Variants in ICA1L observed in about 807,000 individuals in gnomAD.
ICA1L encodes islet cell autoantigen 1-like protein.
In ICA1L, 50 loss-of-function variants were observed where a neutral mutation model predicts 61.3. The observed-to-expected ratio is 0.82, with a 90% confidence interval of 0.65 to 1.03. The LOEUF is 1.03. Ranked by LOEUF, ICA1L falls within the 50% of genes least tolerant of loss-of-function variation. The pLI is 0.00. For missense variants in ICA1L, 508 were observed against 556.7 expected, an observed-to-expected ratio of 0.91 and a Z score of 0.88; for synonymous variants, 161 against 191.3, an observed-to-expected ratio of 0.84 and a Z score of 1.31.
At chr2:202,839,498 C>CA (rs59202140) in intron 1 of ICA1L, among the ~76,000 whole-genome samples, 320 of 25,370 alleles carry the variant, frequency 0.013, 10 homozygotes, top group South Asian at 0.02. Context: ...GACTCCGTCT[C>CA]AAAAAAAAAA....
chr2:202,869,864 T>C (rs961674536), intron 1 of ICA1L, among the ~76,000 whole-genome samples: 2 of 152,096 alleles, frequency 1.3e-5, no homozygotes, highest in African/African-American at 4.8e-5. Flanking sequence ...AAGTACAAGT[T>C]TGAAAATTTT....
chr2:202,853,416 C>T (rs1349587013), intron 1 of ICA1L, among the ~76,000 whole-genome samples: 1 of 150,630 alleles, frequency 6.6e-6, no homozygotes, highest in Admixed American at 6.6e-5. Context: ...TAGAAGAAAA[C>T]CTAGGCCATA....
chr2:202,815,781 C>G (rs981146322), intron 7 of ICA1L, 130 bp downstream of exon 7: 3 of 515,882 alleles, frequency 5.8e-6, no homozygotes, highest in Non-Finnish European at 9.7e-6. Flanking sequence ...TGACCCTTGG[C>G]TGAAGGAAAA....
At chr2:202,792,498 A>G (rs1285080253) in intron 10 of ICA1L, among the ~76,000 whole-genome samples, 1 of 152,210 alleles carries the variant, frequency 6.6e-6, no homozygotes. Flanking sequence ...ATGGAATACT[A>G]TTGCTTAATA....
rs1328106838 is a variant in ICA1L, at chr2:202,817,502, C to G, written c.600G>C (p.Lys200Asn). The change falls in exon 6 of 13, where the codon AAG becomes AAC. Residue 200 changes from lysine to asparagine, a missense_variant. Physicochemically the swap from Lys to Asn is moderately conservative, Grantham distance 94. Transcript: ENST00000358299. ...QVRNSKASFD[K>N]LKMDVCQKVD... ...CTTTCTGACAAACATCCATCTTTAA[C>G]TTGTCAAAAGAAGCTTTGCTATTTC... The G allele has an allele frequency of 6.2e-7, 1 of 1,610,888 alleles. No homozygotes were observed. The highest frequency in any genetic ancestry group is 1.7e-5 in the Admixed American group (1 of 59,812).
intron 10 of ICA1L, among the ~76,000 whole-genome samples, chr2:202,790,271 G>A (rs1471575945): frequency 1.3e-5 from 2 of 152,154 alleles, no homozygotes; most frequent in East Asian, 3.9e-4. Flanking sequence ...GAAAGGGAGA[G>A]GCATCACGGA....
At chr2:202,841,472 A>C (rs1694327540) in intron 1 of ICA1L, 1 of 891,366 alleles carries the variant, frequency 1.1e-6, no homozygotes, top group South Asian at 1.3e-5. Context: ...TCTATGGAGG[A>C]GGCAAATTTG....
chr2:202,825,532 A>G (rs1693818233), intron 3 of ICA1L, 163 bp downstream of exon 3: 3 of 1,348,884 alleles, frequency 2.2e-6, no homozygotes, highest in South Asian at 3.7e-5. Context: ...CTGAGGAAAG[A>G]AGAGAGAATA....
intron 3 of ICA1L, among the ~76,000 whole-genome samples, chr2:202,823,274 G>A (rs1693747331): frequency 3.3e-5 from 5 of 152,020 alleles, no homozygotes. Context: ...TATGGTGCTG[G>A]ACTAACCTAC....
Position 202,774,099 on chromosome 2 carries a change from C to A in ICA1L, c.*5434G>T. The A allele has an allele frequency of 8.6e-7, 1 of 1,166,822 alleles. No individual in the cohort carries two copies. The highest frequency in any genetic ancestry group is 1.2e-6 in the Non-Finnish European group (1 of 802,504). 72.3% of individuals were successfully genotyped at this position (1,166,822 alleles called of 1,614,324 possible). On this transcript the variant is annotated 3_prime_UTR_variant, in exon 13 of 13. Coordinates refer to ENST00000358299, the MANE Select transcript of ICA1L (RefSeq NM_001288622.3). ...AATATGATAATATTAGGAATCCCAT[C>A]AATGATTGGATAAGCTATTCTCAAC... is the stretch of plus-strand genomic sequence containing the variant.
At chr2:202,809,804 A>C (rs559182227) in intron 9 of ICA1L, among the ~76,000 whole-genome samples, 1 of 152,336 alleles carries the variant, frequency 6.6e-6, no homozygotes, top group East Asian at 1.9e-4. Flanking sequence ...ACAAAAACGA[A>C]AAAAGAATAA....
chr2:202,866,946 C>T (rs1687535306), intron 1 of ICA1L, among the ~76,000 whole-genome samples: 1 of 152,008 alleles, frequency 6.6e-6, no homozygotes, highest in African/African-American at 2.4e-5. Context: ...GACTCCATCT[C>T]AAAAAACTGT....
At chr2:202,854,668 AG>A (rs1694724114) in intron 1 of ICA1L, among the ~76,000 whole-genome samples, 2 of 152,234 alleles carry the variant, frequency 1.3e-5, no homozygotes, top group Non-Finnish European at 2.9e-5. Context: ...CAAATGCAAA[AG>A]AACAGAAATC....
In ICA1L at chr2:202,785,994, T is replaced by C. The variant is rs1473991268; in HGVS notation, c.1257A>G (p.Gln419=). The C allele has an allele frequency of 6.2e-7, 1 of 1,603,726 alleles. No individual in the cohort carries two copies. Among genetic ancestry groups the C allele is most frequent in the Admixed American group, 1.7e-5 (1 of 59,800 alleles). ...GTGAAAGACAAAGTTCTGATTCCTC[T>C]TGGGAGACCCAGTCTGGGATAAAAG... is the stretch of plus-strand genomic sequence containing the variant. ...VAGAFNNWVS[Q]EESELCLSHT... The change falls in exon 12 of 13, where the codon CAA becomes CAG. Residue 419 remains glutamine (Q), a synonymous_variant. Coordinates refer to ENST00000358299, the MANE Select transcript of ICA1L (RefSeq NM_001288622.3).
chr2:202,774,517 CAA>C lies in ICA1L; in HGVS notation c.*5014_*5015del, dbSNP rs1692157796. On this transcript the variant is annotated 3_prime_UTR_variant, in exon 13 of 13. Coordinates refer to ENST00000358299, the MANE Select transcript of ICA1L (RefSeq NM_001288622.3). The stretch of plus-strand genomic sequence containing the variant: ...GGTTATGGTCAGTGAGGTTTAGCCA[CAA>C]GAGATATCACAGGAGAGACACAGGA... The C allele has an allele frequency of 2.4e-6, 1 of 424,866 alleles. No homozygotes were observed. Among genetic ancestry groups the C allele is most frequent in the East Asian group, 4.4e-5 (1 of 22,694 alleles). The allele number at this position is 424,866 out of a possible 1,614,324, so 26.3% of individuals were successfully genotyped here. A position where few individuals can be genotyped will look rare whatever the true frequency, so the allele number is the denominator to read the frequency against.
chr2:202,870,962 G>A (rs930321555), intron 1 of ICA1L: 4 of 152,372 alleles, frequency 2.6e-5, no homozygotes, highest in Admixed American at 1.3e-4. Context: ...CGCGTTTCCA[G>A]GAGCCATATC....
rs1351814365 is a variant in ICA1L, at chr2:202,775,362, T to C, written c.*4171A>G. ...TATTCCTGCCTTCAATAAGTCAGGT[T>C]ACATACTATGGCTTATATTTAATTG... On this transcript the variant is annotated 3_prime_UTR_variant, in exon 13 of 13. Transcript: ENST00000358299. 6.6e-6 allele frequency: 1 copy of C among 152,246 alleles called. No individual in the cohort carries two copies. The highest frequency in any genetic ancestry group is 1.5e-5 in the Non-Finnish European group (1 of 68,040). 9.4% of individuals were successfully genotyped at this position (152,246 alleles called of 1,614,324 possible).
intron 8 of ICA1L, 88 bp from the exon 9 acceptor site, chr2:202,811,877 A>C: frequency 4.4e-6 from 4 of 914,490 alleles, no homozygotes; most frequent in Non-Finnish European, 5.3e-6. Context: ...TGGTTAAAAA[A>C]ATTTTCTACT....
intron 1 of ICA1L, among the ~76,000 whole-genome samples, chr2:202,833,947 G>A (rs971981170): frequency 6.6e-6 from 1 of 152,078 alleles, no homozygotes; most frequent in Non-Finnish European, 1.5e-5. Context: ...GTTTGTCAAA[G>A]GACACAAAAT....
Sources: gnomAD v4.1 joint callset for allele counts (sites outside exome capture counted in the v4.1 genomes callset) on GRCh38, gnomAD v4.1.1 for gene constraint, MANE v1.5 for transcripts, NCBI Gene and HGNC (gene_info 2026-07-23, HGNC 2026-07-21) for gene names.